The following LRP2 variants were observed in gnomAD, a reference collection of about 807,000 sequenced individuals.
LRP2 encodes the protein low-density lipoprotein receptor-related protein 2.
Under a neutral mutation model 531.0 loss-of-function variants are expected in LRP2, and 172 were observed. That is an observed-to-expected ratio of 0.32 (90% CI 0.29 to 0.37). The LOEUF (loss-of-function observed/expected upper bound fraction) is 0.37. Ranked by LOEUF, LRP2 falls within the 10% of genes least tolerant of loss-of-function variation. LRP2 has a pLI of 1.00. For synonymous variants in LRP2, 1,992 were observed against 2,027.6 expected (o/e 0.98, Z 0.47); for missense variants, 5,167 against 5,868.3 (o/e 0.88, Z 3.90).
intron 29 of LRP2, among the ~76,000 whole-genome samples, chr2:169,234,099 C>T (rs1574161593): frequency 6.6e-6 from 1 of 152,250 alleles, no homozygotes; most frequent in South Asian, 2.1e-4. Flanking sequence ...TATACAATAG[C>T]AATTTTTTCT....
intron 1 of LRP2, among the ~76,000 whole-genome samples, chr2:169,354,136 T>C (rs1444677628): frequency 6.6e-6 from 1 of 152,196 alleles, no homozygotes; most frequent in African/African-American, 2.4e-5. Flanking sequence ...TAAGACAGAA[T>C]ATTTTTATAG....
intron 36 of LRP2, among the ~76,000 whole-genome samples, chr2:169,213,048 G>A (rs1344833404): frequency 6.6e-6 from 1 of 152,018 alleles, no homozygotes; most frequent in East Asian, 1.9e-4. Context: ...CAAATTGTTT[G>A]ATCATCTTTG....
chr2:169,320,990 CAAAG>C, intron 1 of LRP2, 106 bp from the exon 2 acceptor site: 1 of 752,822 alleles, frequency 1.3e-6, no homozygotes, highest in Admixed American at 2.1e-5. Flanking sequence ...ATTAGATAAT[CAAAG>C]AAATGCAAAT....
Position 169,289,211 on chromosome 2 carries a change from G to C in LRP2, c.923-66C>G, listed in dbSNP as rs553690353. 5.4e-5 allele frequency: 86 copies of C among 1,597,652 alleles called. No homozygotes were observed. In the African/African-American group the frequency reaches 7.1e-4, roughly 13 times the overall value. Reference sequence around the variant, plus strand: ...CTGGACAAGACTGATTAATCTAATAGCTTCTTTTTCCATGAGTAGCAGCTC... The same window carrying C: ...CTGGACAAGACTGATTAATCTAATACCTTCTTTTTCCATGAGTAGCAGCTC... On this transcript the variant is annotated intron_variant, in intron 8 of 78. Transcript: ENST00000649046.
In LRP2 at chr2:169,177,842, A is replaced by G. The variant is rs757783889; in HGVS notation, c.10354T>C (p.Phe3452Leu). The G allele has an allele frequency of 1.9e-6, 3 of 1,614,218 alleles. No homozygotes were observed. In the South Asian group the frequency reaches 3.3e-5, roughly 18 times the overall value. The change falls in exon 53 of 79, where the codon TTT becomes CTT. Residue 3452 changes from phenylalanine (F) to leucine (L), a missense_variant. Transcript: ENST00000649046. The stretch of plus-strand genomic sequence containing the variant: ...TATGGATGGTACACATGGATGTCAA[A>G]TGGTCTGTGTGTTGTGTTCACCAGT... ...QTLVNTTHRP[F>L]DIHVYHPYRQ...
chr2:169,299,187 AAG>A (rs1023746175), intron 4 of LRP2, among the ~76,000 whole-genome samples: 14 of 150,708 alleles, frequency 9.3e-5, no homozygotes, highest in African/African-American at 3.4e-4. Context: ...GAAAGAAAGA[AAG>A]AAATTCAGCA....
intron 75 of LRP2, 109 bp from the exon 76 acceptor site, chr2:169,137,602 G>T: frequency 1.4e-6 from 1 of 718,314 alleles, no homozygotes; most frequent in East Asian, 2.7e-5. Flanking sequence ...CCTCACACCT[G>T]GAGGTACGCT....
Position 169,150,992 on chromosome 2 carries a change from T to C in LRP2, c.12496A>G (p.Ile4166Val), listed in dbSNP as rs1686098160. 6.2e-7 allele frequency: 1 copy of C among 1,613,966 alleles called. No homozygotes were observed. The highest frequency in any genetic ancestry group is 1.1e-5 in the South Asian group (1 of 91,084). Residue 4166 changes from isoleucine (I) to valine (V), a missense_variant, in exon 68 of 79, where the codon ATT (isoleucine) becomes GTT (valine). Around this residue, in one of 6 missense-constraint regions of LRP2, gnomAD observed 564 missense variants for 747.7 expected, o/e 0.75. Coordinates refer to ENST00000649046, the MANE Select transcript of LRP2 (RefSeq NM_004525.3). ...IYWSDVKNKR[I>V]EVAKLDGRYR... ...CTTCCATCAAGTTTAGCCACCTCAA[T>C]GCGTTTATTCTTGACATCTGACCAG... is the stretch of plus-strand genomic sequence containing the variant.
At chr2:169,247,030 A>G (rs1690036051) in intron 20 of LRP2, 44 bp from the exon 21 acceptor site, 25 of 1,605,946 alleles carry the variant, frequency 1.6e-5, no homozygotes, top group Non-Finnish European at 2.1e-5. Flanking sequence ...GTACATTTTC[A>G]CTAGGTAGGT....
At position 169,185,478 on chromosome 2, in the gene LRP2, AAAAAG is replaced by A; in HGVS notation, c.9845+20_9845+24del. 6.2e-7 allele frequency: 1 copy of A among 1,610,238 alleles called. No individual in the cohort carries two copies. Among genetic ancestry groups the A allele is most frequent in the Non-Finnish European group, 8.5e-7 (1 of 1,179,080 alleles). ...TAGAATTTTTTAATTTTTAACTTTTAAAAAGCTCATCAGTGTTTTCTTACCTGGAA... is the reference window on the plus strand; with the variant it reads ...TAGAATTTTTTAATTTTTAACTTTTACTCATCAGTGTTTTCTTACCTGGAA... On this transcript the variant is annotated intron_variant, in intron 50 of 78. Transcript: ENST00000649046.
At chr2:169,267,783 CA>C (rs1217868759) in intron 16 of LRP2, among the ~76,000 whole-genome samples, 2 of 151,892 alleles carry the variant, frequency 1.3e-5, no homozygotes, top group East Asian at 1.9e-4. Context: ...GATAGAGACA[CA>C]AAAAACCCTT....
chr2:169,207,417 TA>T (rs1688436583), intron 38 of LRP2, among the ~76,000 whole-genome samples, 167 bp from the exon 39 acceptor site: 1 of 152,244 alleles, frequency 6.6e-6, no homozygotes, highest in African/African-American at 2.4e-5. Context: ...AATAAGTTCT[TA>T]CTCCTAGGAA....
chr2:169,231,727 C>T lies in LRP2; in HGVS notation c.5214G>A (p.Leu1738=), dbSNP rs1229945636. ...AGCATACTATACCTCTCAAGCAATT[C>T]AGGAGATCAGGAGACAGACTCCATC... ...PSGWSLSPDL[L]NCLRDDQPFL... is the part of the protein sequence containing the mutation. Residue 1738 remains leucine, a synonymous_variant, in exon 31 of 79, where the codon CTG becomes CTA. Transcript: ENST00000649046. The T allele has an allele frequency of 6.2e-7, 1 of 1,614,014 alleles. No homozygotes were observed.
At chr2:169,227,574 A>C (rs1444983986) in intron 31 of LRP2, among the ~76,000 whole-genome samples, 1 of 152,206 alleles carries the variant, frequency 6.6e-6, no homozygotes, top group Non-Finnish European at 1.5e-5. Flanking sequence ...TATTAAGACA[A>C]AGTATGAAAT....
intron 64 of LRP2, 125 bp from the exon 65 acceptor site, chr2:169,156,530 A>G (rs1686337782): frequency 1.9e-6 from 2 of 1,030,350 alleles, no homozygotes; most frequent in Non-Finnish European, 3.0e-6. Context: ...AAAATAAGCA[A>G]TGATACAAAC....
chr2:169,259,468 A>G (rs1409300719), intron 16 of LRP2, among the ~76,000 whole-genome samples: 1 of 152,044 alleles, frequency 6.6e-6, no homozygotes, highest in Non-Finnish European at 1.5e-5. Context: ...AAACAGAACC[A>G]GGAATGGTAT....
chr2:169,255,524 C>T (rs540793182), intron 19 of LRP2, among the ~76,000 whole-genome samples: 8 of 126,340 alleles, frequency 6.3e-5, no homozygotes, highest in East Asian at 5.0e-4. Context: ...GAAAGGTTGA[C>T]GAAAAAAAAT....
At chr2:169,146,023 A>G in intron 69 of LRP2, 100 bp from the exon 70 acceptor site, 1 of 1,083,638 alleles carries the variant, frequency 9.2e-7, no homozygotes, top group African/African-American at 1.6e-5. Context: ...TTCTGCTTGA[A>G]TTATTCCCTC....
At chr2:169,135,941 C>T (rs1685489726) in intron 76 of LRP2, among the ~76,000 whole-genome samples, 1 of 152,124 alleles carries the variant, frequency 6.6e-6, no homozygotes, top group Non-Finnish European at 1.5e-5. Flanking sequence ...GCTGATATCT[C>T]GTGGTGCTAT....
Sources: gnomAD v4.1 joint callset for allele counts (sites outside exome capture counted in the v4.1 genomes callset) on GRCh38, gnomAD v4.1.1 for gene constraint, gnomAD v4.1.1 regional missense constraint, MANE v1.5 for transcripts, NCBI Gene and HGNC (gene_info 2026-07-23, HGNC 2026-07-21) for gene names.